FRYL: variants seen among roughly 807,000 people sequenced by gnomAD.
FRYL encodes FRY like transcription coactivator, also known as protein furry homolog-like.
A neutral mutation model predicts 351.2 loss-of-function variants in FRYL; 150 were observed. The ratio of observed to expected loss-of-function variants is 0.43; its 90% confidence interval spans 0.37 to 0.49. The LOEUF is 0.49. Ranked by LOEUF, FRYL falls within the 20% of genes least tolerant of loss-of-function variation. The pLI is 0.00. For missense variants in FRYL, 3,036 were observed against 3,619.3 expected (o/e 0.84, Z 4.13); for synonymous variants, 1,153 against 1,257.1 (o/e 0.92, Z 1.75).
At position 48,606,478 on chromosome 4, in the gene FRYL, T is replaced by C. The variant is rs1746858878; in HGVS notation, c.701A>G (p.Tyr234Cys). ...TGATGCTTCAAAATCTTCTACAGGA[T>C]ACATTTTTACTCGAAAAAATTTCAT... is the stretch of plus-strand genomic sequence containing the variant. ...MGMKFFRVKM[Y>C]PVEDFEASFQ... is the part of the protein sequence containing the mutation. Residue 234 changes from tyrosine (Y) to cysteine (C), a missense_variant, in exon 10 of 64, where the codon TAT becomes TGT. This residue lies in a region of FRYL where 457 missense variants were observed against 566.6 expected (regional missense o/e 0.81). Transcript: ENST00000358350. 2.5e-6 allele frequency: 4 copies of C among 1,612,058 alleles called. No individual in the cohort carries two copies. The highest frequency in any genetic ancestry group is 3.4e-6 in the Non-Finnish European group (4 of 1,178,506).
chr4:48,662,662 G>A (rs574707959), intron 3 of FRYL, among the ~76,000 whole-genome samples: 5 of 151,010 alleles, frequency 3.3e-5, no homozygotes, highest in African/African-American at 9.7e-5. Flanking sequence ...ACAGTGGCGC[G>A]TGCATGTAAT....
chr4:48,652,996 T>C (rs1394354467), intron 3 of FRYL, among the ~76,000 whole-genome samples: 1 of 152,210 alleles, frequency 6.6e-6, no homozygotes, highest in African/African-American at 2.4e-5. Context: ...TGTATTATGA[T>C]ACTTTTGGCA....
At chr4:48,694,464 G>A (rs1000776373) in intron 2 of FRYL, among the ~76,000 whole-genome samples, 2 of 151,888 alleles carry the variant, frequency 1.3e-5, no homozygotes, top group African/African-American at 2.4e-5. Flanking sequence ...GCCCAGCTAC[G>A]TTTTGTATTT....
Position 48,502,811 on chromosome 4 carries a change from C to CA in FRYL, c.8481+16dup, listed in dbSNP as rs1720005733. Reference sequence around the variant, plus strand: ...TGGCAAGGGTGAGTAGTCTATAAATCAAGACAGGTCACTTACTGCTAGTAT... The same window carrying CA: ...TGGCAAGGGTGAGTAGTCTATAAATCAAAGACAGGTCACTTACTGCTAGTAT... On this transcript the variant is annotated intron_variant, in intron 61 of 63. Coordinates refer to ENST00000358350, the MANE Select transcript of FRYL (RefSeq NM_015030.2). 7 of 1,604,352 alleles carry CA rather than the reference C, an allele frequency of 4.4e-6. No individual in the cohort carries two copies. The highest frequency in any genetic ancestry group is 6.0e-6 in the Non-Finnish European group (7 of 1,172,576).
At chr4:48,707,875 C>T (rs1479889072) in intron 2 of FRYL, among the ~76,000 whole-genome samples, 1 of 150,580 alleles carries the variant, frequency 6.6e-6, no homozygotes, top group Non-Finnish European at 1.5e-5. Context: ...GGCTGGAGTG[C>T]AGTGGTGCAA....
chr4:48,663,753 C>A (rs1167235997), intron 3 of FRYL, among the ~76,000 whole-genome samples: 16 of 113,286 alleles, frequency 1.4e-4, no homozygotes, highest in African/African-American at 5.5e-4. Context: ...GCAGCCTGGG[C>A]GACAGAGCGA....
chr4:48,696,860 CTAT>C (rs1766229992), intron 2 of FRYL, among the ~76,000 whole-genome samples: 2 of 147,030 alleles, frequency 1.4e-5, no homozygotes, highest in Non-Finnish European at 3.0e-5. Context: ...ATCTATCTAT[CTAT>C]CTATCTATCT....
rs1746072004 is a variant in FRYL, at chr4:48,603,329, C to T, written c.894G>A (p.Gln298=). 6 of 1,612,470 alleles carry T rather than the reference C, an allele frequency of 3.7e-6. No individual in the cohort carries two copies. The highest frequency in any genetic ancestry group is 1.3e-5 in the African/African-American group (1 of 74,834). ...TTCTCGAGCTCAGTTCAAAAGTAGT[C>T]TGATAAAGCATCTCCACAAAATTTT... ...CLKNFVEMLY[Q]TTFELSSRKK... is the part of the protein sequence containing the mutation. Residue 298 remains glutamine (Q), a synonymous_variant, in exon 12 of 64, where the codon CAG becomes CAA. Coordinates refer to ENST00000358350, the MANE Select transcript of FRYL (RefSeq NM_015030.2).
intron 49 of FRYL, among the ~76,000 whole-genome samples, 169 bp downstream of exon 49, chr4:48,534,376 T>C (rs1340090381): frequency 6.6e-6 from 1 of 152,208 alleles, no homozygotes; most frequent in Non-Finnish European, 1.5e-5. Flanking sequence ...CTGATTCTGG[T>C]TTTTGTCACT....
intron 1 of FRYL, among the ~76,000 whole-genome samples, chr4:48,726,253 T>A (rs190064712): frequency 4.5e-4 from 69 of 152,268 alleles, no homozygotes; most frequent in Non-Finnish European, 8.8e-4. Context: ...ACAGAGGCCA[T>A]TAACAACATT....
chr4:48,777,900 C>G (rs1776196394), intron 1 of FRYL, among the ~76,000 whole-genome samples: 1 of 152,104 alleles, frequency 6.6e-6, no homozygotes, highest in Non-Finnish European at 1.5e-5. Flanking sequence ...AAGATTACTA[C>G]AAACGGCCAA....
rs754201616 is a variant in FRYL at position 48,540,359 on chromosome 4, A to G, written c.6289T>C (p.Leu2097=). 19 of 1,611,774 alleles carry G rather than the reference A, an allele frequency of 1.2e-5. No individual in the cohort carries two copies. In the South Asian group the frequency reaches 2.0e-4, roughly 17 times the overall value. The change falls in exon 46 of 64, where the codon TTG becomes CTG. Residue 2097 remains leucine, a synonymous_variant. Transcript: ENST00000358350. The stretch of plus-strand genomic sequence containing the variant: ...GCAATTATATTAACATCACCTGACA[A>G]TTGGGAAGGATCCACCAATGTATGT... ...SKHTLVDPSQ[L]SGFPLNILCL...
intron 6 of FRYL, 23 bp from the exon 7 acceptor site, chr4:48,619,393 G>C (rs764356656): frequency 3.7e-6 from 5 of 1,369,522 alleles, no homozygotes; most frequent in Non-Finnish European, 5.0e-6. Context: ...TCCAAAATTA[G>C]TACTGCATTA....
chr4:48,679,520 G>A (rs1213655059), intron 3 of FRYL, among the ~76,000 whole-genome samples: 8 of 152,010 alleles, frequency 5.3e-5, no homozygotes, highest in Admixed American at 5.2e-4. Flanking sequence ...ACAGAAAATA[G>A]GAGAATCTAG....
At chr4:48,765,869 C>T (rs545441627) in intron 1 of FRYL, among the ~76,000 whole-genome samples, 1 of 152,208 alleles carries the variant, frequency 6.6e-6, no homozygotes, top group Non-Finnish European at 1.5e-5. Context: ...GACATACAAA[C>T]AGACCAATAG....
chr4:48,626,441 G>A (rs185296284), intron 4 of FRYL, among the ~76,000 whole-genome samples: 359 of 151,264 alleles, frequency 2.4e-3, no homozygotes, highest in African/African-American at 8.3e-3. Context: ...AAATTATATC[G>A]GCTATTTGAT....
chr4:48,586,694 T>C lies in FRYL; in HGVS notation c.1675A>G (p.Thr559Ala). Residue 559 changes from threonine (T) to alanine (A), a missense_variant, in exon 19 of 64, where the codon ACT (threonine) becomes GCT (alanine). Physicochemically the swap from Thr to Ala is moderately conservative, Grantham distance 58. Transcript: ENST00000358350. ...ERKPKIDLFR[T>A]CIAAIPRLIP... ...AACCTTGGAATCGCAGCAATACAAG[T>C]TCTAAACAAATCAATCTTGGGTTTT... 1 of 1,610,464 alleles carries C rather than the reference T, an allele frequency of 6.2e-7. No individual in the cohort carries two copies. The highest frequency in any genetic ancestry group is 2.2e-5 in the East Asian group (1 of 44,646).
chr4:48,765,382 C>A (rs1441495756), intron 1 of FRYL, among the ~76,000 whole-genome samples: 3 of 151,976 alleles, frequency 2.0e-5, no homozygotes, highest in Admixed American at 2.0e-4. Context: ...AACAAAGGTG[C>A]CAAAAATGTA....
chr4:48,507,537 G>GTTAGTTAGTT (rs1721430345), intron 59 of FRYL, among the ~76,000 whole-genome samples: 1 of 151,972 alleles, frequency 6.6e-6, no homozygotes, highest in Non-Finnish European at 1.5e-5. Flanking sequence ...CAAACAAACA[G>GTTAGTTAGTT]TTAGTTAGTT....
Sources: allele counts gnomAD v4.1 joint callset (sites outside exome capture counted in the v4.1 genomes callset), GRCh38; gene constraint gnomAD v4.1.1; regional missense constraint gnomAD v4.1.1; transcripts MANE v1.5; gene names NCBI Gene and HGNC (gene_info 2026-07-23, HGNC 2026-07-21).